The following TSPAN12 variants were observed in gnomAD, a reference collection of about 807,000 sequenced individuals.
TSPAN12 encodes the protein tetraspanin 12, also known as tetraspanin-12.
In TSPAN12, 19 loss-of-function variants were observed where a neutral mutation model predicts 39.2. The ratio of observed to expected loss-of-function variants is 0.49; its 90% CI spans 0.34 to 0.71. TSPAN12 has a LOEUF of 0.71. TSPAN12 is among the 30% of genes least tolerant of loss of function. The pLI is 0.01. For missense variants in TSPAN12, 314 were observed against 359.9 expected (o/e 0.87, Z 1.03); for synonymous variants, 119 against 124.8 (o/e 0.95, Z 0.31).
chr7:120,799,581 TATGTAATA>T (rs1166808440), intron 7 of TSPAN12, among the ~76,000 whole-genome samples: 18 of 107,672 alleles, frequency 1.7e-4, no homozygotes, highest in African/African-American at 2.6e-4. Context: ...TATATAATTA[TATGTAATA>T]ATATAATTAT....
intron 4 of TSPAN12, among the ~76,000 whole-genome samples, chr7:120,823,855 C>G (rs1476102904): frequency 4.6e-5 from 7 of 152,112 alleles, no homozygotes; most frequent in Non-Finnish European, 7.4e-5. Flanking sequence ...TTGGAGCACA[C>G]TGATAAAAGT....
intron 2 of TSPAN12, among the ~76,000 whole-genome samples, chr7:120,846,627 G>A (rs1205049515): frequency 6.6e-6 from 1 of 152,110 alleles, no homozygotes; most frequent in Non-Finnish European, 1.5e-5. Flanking sequence ...TCATATATTG[G>A]TCACCCACTC....
chr7:120,788,902 A>G lies in TSPAN12; in HGVS notation c.613-5T>C, dbSNP rs779742687. 2 of 1,613,852 alleles carry G rather than the reference A, an allele frequency of 1.2e-6. No homozygotes were observed. Among genetic ancestry groups the G allele is most frequent in the East Asian group, 2.2e-5 (1 of 44,888 alleles). Reference sequence around the variant, plus strand: ...ATACATTTTCTTCCCACAACCCTGTAAAAGAAATACATGGTCAACATTACT... The same window carrying G: ...ATACATTTTCTTCCCACAACCCTGTGAAAGAAATACATGGTCAACATTACT... On this transcript the variant is annotated splice_polypyrimidine_tract_variant and splice_region_variant and intron_variant, in intron 7 of 7. Transcript: ENST00000222747.
chr7:120,790,442 A>G (rs966339653), intron 7 of TSPAN12, among the ~76,000 whole-genome samples: 3 of 152,246 alleles, frequency 2.0e-5, no homozygotes, highest in African/African-American at 7.2e-5. Context: ...ATACATGTTA[A>G]GAACCCAGTA....
chr7:120,856,667 C>A, intron 2 of TSPAN12, 31 bp downstream of exon 2: 1 of 1,612,942 alleles, frequency 6.2e-7, no homozygotes, highest in South Asian at 1.1e-5. Context: ...GCCAGCCGTT[C>A]CCACCTGTTG....
intron 2 of TSPAN12, among the ~76,000 whole-genome samples, chr7:120,844,158 CAGA>C (rs1794629337): frequency 6.6e-6 from 1 of 152,064 alleles, no homozygotes; most frequent in South Asian, 2.1e-4. Context: ...CACTCACTAC[CAGA>C]AGAACAGCAA....
rs114990975 is a variant in TSPAN12, at chr7:120,809,071, T to C, written c.468+1392A>G. On this transcript the variant is annotated intron_variant, in intron 6 of 7. Coordinates refer to ENST00000222747, the MANE Select transcript of TSPAN12 (RefSeq NM_012338.4). ...TCATTGCAAACTAATATAAGGGATA[T>C]AAGGGATTTTAAAAACCTCAGGTTC... Among the ~76,000 whole-genome samples the C allele has an allele frequency of 3.5e-3, 528 of 151,778 alleles. 3 individuals carry two copies. Among genetic ancestry groups the C allele is most frequent in the African/African-American group, 0.012 (509 of 41,412 alleles).
chr7:120,856,958 C>T (rs1794884738), intron 1 of TSPAN12, 125 bp from the exon 2 acceptor site: 2 of 638,370 alleles, frequency 3.1e-6, no homozygotes, highest in Admixed American at 2.6e-5. Context: ...GCATTCGAGA[C>T]ATCGCCTCAT....
intron 4 of TSPAN12, among the ~76,000 whole-genome samples, chr7:120,826,570 G>A (rs936544042): frequency 6.6e-6 from 1 of 152,104 alleles, no homozygotes. Context: ...CAAACAGGAA[G>A]GAGCCTTAGC....
intron 2 of TSPAN12, among the ~76,000 whole-genome samples, chr7:120,850,959 G>A (rs967980405): frequency 1.3e-5 from 2 of 151,998 alleles, no homozygotes; most frequent in Non-Finnish European, 2.9e-5. Flanking sequence ...CAAAGTGCTG[G>A]GATTACAGGC....
chr7:120,835,961 A>G (rs1374908117), intron 4 of TSPAN12, among the ~76,000 whole-genome samples: 1 of 152,224 alleles, frequency 6.6e-6, no homozygotes, highest in African/African-American at 2.4e-5. Context: ...AAAGCAAAAA[A>G]TGGCAGATCA....
At chr7:120,806,179 TA>T (rs1269975306) in intron 7 of TSPAN12, among the ~76,000 whole-genome samples, 1 of 152,022 alleles carries the variant, frequency 6.6e-6, no homozygotes, top group African/African-American at 2.4e-5. Flanking sequence ...TGGAGGCTCT[TA>T]AAATACGTAT....
chr7:120,805,643 C>T (rs1423625483), intron 7 of TSPAN12, among the ~76,000 whole-genome samples: 1 of 152,016 alleles, frequency 6.6e-6, no homozygotes, highest in African/African-American at 2.4e-5. Context: ...TTTTACATTT[C>T]CATTCTAGAT....
intron 4 of TSPAN12, 48 bp from the exon 5 acceptor site, chr7:120,815,851 G>C (rs1189515756): frequency 6.5e-7 from 1 of 1,530,202 alleles, no homozygotes; most frequent in African/African-American, 1.4e-5. Flanking sequence ...GAATAAAATA[G>C]GCTCCTCAAA....
At chr7:120,832,446 C>G (rs1794406096) in intron 4 of TSPAN12, among the ~76,000 whole-genome samples, 1 of 152,040 alleles carries the variant, frequency 6.6e-6, no homozygotes, top group Admixed American at 6.6e-5. Context: ...TACCCTGTCC[C>G]TTCACTCCTC....
intron 6 of TSPAN12, 110 bp downstream of exon 6, chr7:120,810,353 G>T: frequency 2.7e-6 from 2 of 753,062 alleles, no homozygotes; most frequent in Admixed American, 3.9e-5. Context: ...CTGAATCACA[G>T]GCTTAATTTT....
chr7:120,819,644 G>A (rs1794151773), intron 4 of TSPAN12, among the ~76,000 whole-genome samples: 1 of 152,120 alleles, frequency 6.6e-6, no homozygotes, highest in South Asian at 2.1e-4. Context: ...TGATGTTGCA[G>A]CTTCACGGTC....
Position 120,788,555 on chromosome 7 carries a change from A to G in TSPAN12, c.*37T>C. On this transcript the variant is annotated 3_prime_UTR_variant, in exon 8 of 8. Coordinates refer to ENST00000222747, the MANE Select transcript of TSPAN12 (RefSeq NM_012338.4). ...GTACTCAAAAATTCACAAGTCCAGT[A>G]AAACAAGTTTGTGGTTTTCTTCTGT... 19 of 1,613,166 alleles carry G rather than the reference A, an allele frequency of 1.2e-5. No individual in the cohort carries two copies. Among genetic ancestry groups the G allele is most frequent in the Non-Finnish European group, 1.3e-5 (15 of 1,179,192 alleles).
chr7:120,804,917 C>T (rs1045186357), intron 7 of TSPAN12, among the ~76,000 whole-genome samples: 1 of 152,054 alleles, frequency 6.6e-6, no homozygotes, highest in Non-Finnish European at 1.5e-5. Context: ...ATTGTCAGCA[C>T]ACCACCAGAA....
Sources: gnomAD v4.1 joint callset for allele counts (sites outside exome capture counted in the v4.1 genomes callset) on GRCh38, gnomAD v4.1.1 for gene constraint, MANE v1.5 for transcripts, NCBI Gene and HGNC (gene_info 2026-07-23, HGNC 2026-07-21) for gene names.